The following EPB41L1 variants were observed in gnomAD, a reference collection of about 807,000 sequenced individuals.
EPB41L1 encodes the protein band 4.1-like protein 1.
EPB41L1 carries 29 observed loss-of-function variants against 97.8 expected under a neutral mutation model. The ratio of observed to expected loss-of-function variants is 0.30; its 90% CI spans 0.22 to 0.40. The LOEUF (loss-of-function observed/expected upper bound fraction) is 0.40. EPB41L1 is among the 10% of genes least tolerant of loss of function. The pLI, the probability that EPB41L1 is intolerant of heterozygous loss-of-function variation, is 1.00. For missense variants in EPB41L1, 812 were observed against 1,162.3 expected (o/e 0.70, Z 4.38); for synonymous variants, 383 against 459.2 (o/e 0.83, Z 2.12).
At chr20:36,153,432 C>A (rs1440816850), upstream of EPB41L1, among the ~76,000 whole-genome samples, 5 of 152,120 alleles carry the variant, frequency 3.3e-5, no homozygotes, top group Admixed American at 3.3e-4. Context: ...CTGTGCTTCC[C>A]AGGGCAGTGG....
Position 36,172,401 on chromosome 20 carries a change from T to C in EPB41L1, c.-14-1363T>C, listed in dbSNP as rs1029804731. 7.9e-5 allele frequency among the ~76,000 whole-genome samples: 12 copies of C among 152,352 alleles called. No individual in the cohort carries two copies. In the East Asian group the frequency reaches 2.3e-3, roughly 29 times the overall value. ...GCTTATGTATGCATATTTTAAAAGA[T>C]AAAAGTACTTCCAAAACATATAAAG... On this transcript the variant is annotated intron_variant, in intron 1 of 21. Coordinates refer to ENST00000338074, the MANE Select transcript of EPB41L1 (RefSeq NM_012156.2).
chr20:36,192,531 CAA>C lies in EPB41L1; in HGVS notation c.1301-1659_1301-1658del, dbSNP rs57675036. Among the ~76,000 whole-genome samples, 74 of 46,412 alleles carry C rather than the reference CAA, an allele frequency of 1.6e-3. 1 individual carries two copies. The highest frequency in any genetic ancestry group is 3.9e-3 in the African/African-American group (56 of 14,274). The allele number at this position is 46,412 out of a possible 152,430, so 30.4% of individuals were successfully genotyped here. ...CTGGTGACAGAGCAAGACTCCGTCT[CAA>C]AAAAAAAAAAAAAAAAAAAAAGGTG... On this transcript the variant is annotated intron_variant, in intron 11 of 21. Coordinates refer to ENST00000338074, the MANE Select transcript of EPB41L1 (RefSeq NM_012156.2).
At position 36,134,615 on chromosome 20, in the gene EPB41L1, AC is replaced by A. The variant is rs751644227; in HGVS notation, c.-10+22138del. 1.3e-4 allele frequency among the ~76,000 whole-genome samples: 20 copies of A among 152,236 alleles called. 1 individual carries two copies. Among genetic ancestry groups the A allele is most frequent in the Non-Finnish European group, 2.5e-4 (17 of 68,016 alleles). ...CCACTGAACATTTGCAGAACAACTT[AC>A]CCAGGCCATGGAGTTGAGAATAAAG... On this transcript the variant is annotated intron_variant, in intron 2 of 19. Coordinates refer to the EPB41L1 transcript ENST00000202028.
At chr20:36,131,505 G>A (rs944468558) in intron 2 of EPB41L1, among the ~76,000 whole-genome samples, 2 of 152,022 alleles carry the variant, frequency 1.3e-5, no homozygotes, top group East Asian at 1.9e-4. Context: ...ATCCTAAGGC[G>A]GGAGGCAGAA....
intron 6 of EPB41L1, among the ~76,000 whole-genome samples, chr20:36,182,982 C>T (rs1296826312): frequency 6.6e-6 from 1 of 152,142 alleles, no homozygotes; most frequent in Non-Finnish European, 1.5e-5. Flanking sequence ...TTGGGGCAAG[C>T]GTGGACTGTG....
At chr20:36,178,520 C>T (rs1215617732) in intron 4 of EPB41L1, 110 bp from the exon 5 acceptor site, 7 of 1,091,560 alleles carry the variant, frequency 6.4e-6, no homozygotes, top group South Asian at 3.8e-5. Context: ...CAAGGAAGGG[C>T]GTTCCCTACA....
At chr20:36,148,422 G>A (rs971902543) in intron 2 of EPB41L1, among the ~76,000 whole-genome samples, 1 of 152,184 alleles carries the variant, frequency 6.6e-6, no homozygotes, top group Non-Finnish European at 1.5e-5. Context: ...GGGTCTCCCA[G>A]GCAGAGAAGA....
In EPB41L1 at chr20:36,212,340, A is replaced by G. The variant is rs771243235; in HGVS notation, c.2148A>G (p.Val716=). ...AIRKKIEPEA[V]LQTRVSAMDN... is the part of the protein sequence containing the mutation. ...GAAAGAAGATTGAGCCGGAGGCCGT[A>G]CTGCAGACCAGAGTCTCCGCTATGG... The change falls in exon 16 of 22, where the codon GTA becomes GTG. Residue 716 remains valine (V), a synonymous_variant. Coordinates refer to ENST00000338074, the MANE Select transcript of EPB41L1 (RefSeq NM_012156.2). This position sits in a 1 kb window ranked among gnomAD's most constrained non-coding sequence, Gnocchi z 4.8. The G allele has an allele frequency of 8.7e-6, 14 of 1,614,242 alleles. No homozygotes were observed. The highest frequency in any genetic ancestry group is 1.2e-5 in the Non-Finnish European group (14 of 1,180,046).
chr20:36,229,270 C>T, intron 21 of EPB41L1, 62 bp from the exon 22 acceptor site: 2 of 1,407,740 alleles, frequency 1.4e-6, no homozygotes, highest in Admixed American at 1.8e-5. Context: ...TTTTTCTTGT[C>T]CTCTTCCTTC....
At chr20:36,143,170 T>C (rs1057309728) in intron 2 of EPB41L1, among the ~76,000 whole-genome samples, 1 of 145,294 alleles carries the variant, frequency 6.9e-6, no homozygotes, top group Non-Finnish European at 1.5e-5. Flanking sequence ...TGTGTGTGTG[T>C]GTGTGTGTGT....
At chr20:36,141,932 AC>A (rs1360299613) in intron 2 of EPB41L1, among the ~76,000 whole-genome samples, 1 of 151,738 alleles carries the variant, frequency 6.6e-6, no homozygotes, top group African/African-American at 2.4e-5. Context: ...ACATGGTGAA[AC>A]CCTGTCTCTT....
intron 1 of EPB41L1, among the ~76,000 whole-genome samples, chr20:36,165,487 TCAGGAGTTCAAGAC>T (rs578255084): frequency 6.6e-6 from 1 of 151,506 alleles, no homozygotes; most frequent in African/African-American, 2.4e-5. Flanking sequence ...TCACCTGAGG[TCAGGAGTTCAAGAC>T]CAGCCTGGCC....
At chr20:36,214,703 C>CAG (rs141842270) in intron 17 of EPB41L1, among the ~76,000 whole-genome samples, 3 of 150,800 alleles carry the variant, frequency 2.0e-5, no homozygotes, top group Non-Finnish European at 4.4e-5. Flanking sequence ...TCAGCCACAG[C>CAG]AGAGAGAGAG....
intron 1 of EPB41L1, among the ~76,000 whole-genome samples, chr20:36,168,450 C>T (rs1367479414): frequency 2.6e-5 from 4 of 152,112 alleles, no homozygotes; most frequent in African/African-American, 4.8e-5. Context: ...TCTCAGGCCC[C>T]TCCTCACTGC....
At chr20:36,218,146 A>G (rs1156309094) in intron 17 of EPB41L1, among the ~76,000 whole-genome samples, 1 of 152,182 alleles carries the variant, frequency 6.6e-6, no homozygotes, top group African/African-American at 2.4e-5. Context: ...TTGGACTTGG[A>G]GTCAGACAAC....
chr20:36,126,608 C>T (rs12479482), intron 2 of EPB41L1, among the ~76,000 whole-genome samples: 7,220 of 152,240 alleles, frequency 0.047, 200 homozygotes, highest in African/African-American at 0.076. Flanking sequence ...TCGGATGATC[C>T]GCCCGCCTCG....
In EPB41L1 at chr20:36,093,677, G is replaced by A. The variant is rs2057734799; in HGVS notation, c.-65+2065G>A. On this transcript the variant is annotated intron_variant, in intron 1 of 19. Coordinates refer to the EPB41L1 transcript ENST00000202028. The surrounding 1 kb of genome is among the most constrained non-coding windows in gnomAD (Gnocchi z 5.4). ...CGTGTCCTGCTTGAAGCCCGTGTGCGTGCGTGCGTGCGTGTGTGTGTGTGT... is the reference window on the plus strand; with the variant it reads ...CGTGTCCTGCTTGAAGCCCGTGTGCATGCGTGCGTGCGTGTGTGTGTGTGT... Among the ~76,000 whole-genome samples, 1 of 148,984 alleles carries A rather than the reference G, an allele frequency of 6.7e-6. No individual in the cohort carries two copies. Among genetic ancestry groups the A allele is most frequent in the Admixed American group, 6.6e-5 (1 of 15,138 alleles).
chr20:36,198,115 C>A, intron 14 of EPB41L1, 74 bp downstream of exon 14: 1 of 1,352,736 alleles, frequency 7.4e-7, no homozygotes, highest in Non-Finnish European at 1.0e-6. Context: ...CTGACTTACA[C>A]TCATCCTCCA....
At position 36,206,304 on chromosome 20, in the gene EPB41L1, C is replaced by T. The variant is rs1242174835; in HGVS notation, c.1669-3184C>T. On this transcript the variant is annotated intron_variant, in intron 14 of 21. Coordinates refer to ENST00000338074, the MANE Select transcript of EPB41L1 (RefSeq NM_012156.2). The surrounding 1 kb of genome is among the most constrained non-coding windows in gnomAD (Gnocchi z 5.5). Reference sequence around the variant, plus strand: ...TGAGGAAGGGGCTGGAGGAGCCTCACACTTGTGGGAGACCCACTGCTCCAG... The same window carrying T: ...TGAGGAAGGGGCTGGAGGAGCCTCATACTTGTGGGAGACCCACTGCTCCAG... 1 of 1,289,918 alleles carries T rather than the reference C, an allele frequency of 7.8e-7. No individual in the cohort carries two copies. Among genetic ancestry groups the T allele is most frequent in the Non-Finnish European group, 1.0e-6 (1 of 988,904 alleles). 79.9% of individuals were successfully genotyped at this position (1,289,918 alleles called of 1,614,324 possible).
Sources: allele counts gnomAD v4.1 joint callset (sites outside exome capture counted in the v4.1 genomes callset), GRCh38; gene constraint gnomAD v4.1.1; non-coding constraint Gnocchi (gnomAD v3.1); transcripts MANE v1.5; gene names NCBI Gene and HGNC (gene_info 2026-07-23, HGNC 2026-07-21).